Variants in HMHB1 observed in about 807,000 individuals in gnomAD.
The protein encoded by HMHB1 is minor histocompatibility protein HB-1.
Under a neutral mutation model 2.4 loss-of-function variants are expected in HMHB1, and 4 were observed. That is an observed-to-expected ratio of 1.65 (90% CI 0.81 to 3.77). The LOEUF is 3.77. HMHB1 is among the 30% of genes most tolerant of loss of function. HMHB1 has a pLI of 0.01. For missense variants in HMHB1, 57 were observed against 44.2 expected, an observed-to-expected ratio of 1.29 and a Z score of -0.82; for synonymous variants, 22 against 17.6, an observed-to-expected ratio of 1.25 and a Z score of -0.63.
intron 1 of HMHB1, among the ~76,000 whole-genome samples, chr5:143,817,536 G>C (rs1759763182): frequency 6.6e-6 from 1 of 152,048 alleles, no homozygotes; most frequent in African/African-American, 2.4e-5. Context: ...GTTTATTTCT[G>C]GTTCTCTATT....
intron 1 of HMHB1, among the ~76,000 whole-genome samples, chr5:143,814,985 T>G (rs1759731841): frequency 6.6e-6 from 1 of 152,226 alleles, no homozygotes; most frequent in Non-Finnish European, 1.5e-5. Flanking sequence ...TGCTCAGCTT[T>G]GCAGCATGGA....
chr5:143,812,700 A>G (rs1759705521), intron 1 of HMHB1, among the ~76,000 whole-genome samples: 1 of 152,122 alleles, frequency 6.6e-6, no homozygotes, highest in South Asian at 2.1e-4. Context: ...CAGGCTTCCC[A>G]AGGCAGCCCA....
At chr5:143,820,440 T>C (rs527596011) in intron 1 of HMHB1, 40 bp from the exon 2 acceptor site, 71 of 1,195,844 alleles carry the variant, frequency 5.9e-5, no homozygotes, top group Non-Finnish European at 7.4e-5. Flanking sequence ...TGCTGAGAAG[T>C]TGTAAGCTCA....
chr5:143,814,824 TC>T (rs1207052860), intron 1 of HMHB1, among the ~76,000 whole-genome samples: 3 of 152,238 alleles, frequency 2.0e-5, no homozygotes, highest in Non-Finnish European at 4.4e-5. Flanking sequence ...ATGGAATTTG[TC>T]CCCACTAAAA....
chr5:143,818,735 G>A (rs565484500), intron 1 of HMHB1, among the ~76,000 whole-genome samples: 2 of 151,832 alleles, frequency 1.3e-5, no homozygotes, highest in African/African-American at 2.4e-5. Flanking sequence ...TGTTTAGCCA[G>A]TTGCTTGACA....
intron 1 of HMHB1, 143 bp from the exon 2 acceptor site, chr5:143,820,337 A>C (rs1303159436): frequency 1.7e-5 from 6 of 343,678 alleles, no homozygotes; most frequent in Non-Finnish European, 2.6e-5. Flanking sequence ...AAAAAAAAAA[A>C]AAAAAAAAAA....
At chr5:143,817,918 T>C (rs1759767565) in intron 1 of HMHB1, among the ~76,000 whole-genome samples, 1 of 152,202 alleles carries the variant, frequency 6.6e-6, no homozygotes, top group Admixed American at 6.5e-5. Context: ...TGAAAGAAAT[T>C]AAAGGAGACC....
intron 1 of HMHB1, among the ~76,000 whole-genome samples, chr5:143,819,189 A>G (rs1374350907): frequency 6.6e-6 from 1 of 152,136 alleles, no homozygotes; most frequent in Non-Finnish European, 1.5e-5. Flanking sequence ...CAAGACTCAC[A>G]ATATTTTAGT....
intron 1 of HMHB1, among the ~76,000 whole-genome samples, chr5:143,816,539 C>A (rs1005798901): frequency 6.6e-6 from 1 of 152,148 alleles, no homozygotes; most frequent in South Asian, 2.1e-4. Context: ...TTAATTAATT[C>A]CTTTTTATGG....
intron 1 of HMHB1, among the ~76,000 whole-genome samples, chr5:143,818,625 T>C (rs1759774268): frequency 6.6e-6 from 1 of 152,200 alleles, no homozygotes; most frequent in Admixed American, 6.5e-5. Context: ...ATGCAGCCTA[T>C]AGTTAAACCT....
chr5:143,816,986 G>A (rs575363622), intron 1 of HMHB1, among the ~76,000 whole-genome samples: 1 of 152,040 alleles, frequency 6.6e-6, no homozygotes, highest in Non-Finnish European at 1.5e-5. Flanking sequence ...ATGTTTGTTG[G>A]CCATTTGTAT....
chr5:143,815,942 A>AGG (rs375787543), intron 1 of HMHB1, among the ~76,000 whole-genome samples: 1,488 of 144,784 alleles, frequency 0.01, 74 homozygotes, highest in African/African-American at 0.028. Context: ...TCCTGACCTC[A>AGG]TGATCCACCC....
intron 1 of HMHB1, among the ~76,000 whole-genome samples, chr5:143,819,024 T>G (rs573294811): frequency 2.0e-5 from 3 of 152,286 alleles, no homozygotes; most frequent in Non-Finnish European, 2.9e-5. Flanking sequence ...TCTTTTCTAT[T>G]TCTTTTCTCT....
intron 1 of HMHB1, among the ~76,000 whole-genome samples, chr5:143,814,364 T>C (rs77117565): frequency 2.2e-4 from 34 of 152,346 alleles, no homozygotes; most frequent in South Asian, 4.1e-4. Context: ...CTCTCGTCAA[T>C]AGAAAAAAAT....
At chr5:143,819,297 A>C (rs1204191148) in intron 1 of HMHB1, among the ~76,000 whole-genome samples, 1 of 152,224 alleles carries the variant, frequency 6.6e-6, no homozygotes, top group Non-Finnish European at 1.5e-5. Context: ...ACTTAAGCTG[A>C]AAAGAGCAGT....
chr5:143,820,458 G>A, intron 1 of HMHB1, 22 bp from the exon 2 acceptor site: 6 of 1,487,236 alleles, frequency 4.0e-6, no homozygotes, highest in Non-Finnish European at 5.6e-6. Flanking sequence ...TCAAGTCTCA[G>A]CTAAGCCATT....
Position 143,812,176 on chromosome 5 carries a change from C to T in HMHB1, c.-92C>T, listed in dbSNP as rs1759699062. 5 of 1,177,320 alleles carry T rather than the reference C, an allele frequency of 4.2e-6. No individual in the cohort carries two copies. In the South Asian group the frequency reaches 5.5e-5, roughly 13 times the overall value. The allele number at this position is 1,177,320 out of a possible 1,614,324, so 72.9% of individuals were successfully genotyped here. A position where few individuals can be genotyped will look rare whatever the true frequency, so the allele number is the denominator to read the frequency against. On this transcript the variant is annotated 5_prime_UTR_variant, in exon 1 of 2. Coordinates refer to ENST00000289448, the MANE Select transcript of HMHB1 (RefSeq NM_021182.3). ...GATGAGGAAACCACATCCCAGGAGG[C>T]CGAGGCGGCTTGCCCCGCATCTCAG...
Position 143,812,186 on chromosome 5 carries a change from T to C in HMHB1, c.-82T>C. The stretch of plus-strand genomic sequence containing the variant: ...CCACATCCCAGGAGGCCGAGGCGGC[T>C]TGCCCCGCATCTCAGAAGCCGGGCA... On this transcript the variant is annotated 5_prime_UTR_variant, in exon 1 of 2. Transcript: ENST00000289448. 1 of 1,340,752 alleles carries C rather than the reference T, an allele frequency of 7.5e-7. No homozygotes were observed. The highest frequency in any genetic ancestry group is 1.0e-6 in the Non-Finnish European group (1 of 960,872). 83.1% of individuals were successfully genotyped at this position (1,340,752 alleles called of 1,614,324 possible). A position where few individuals can be genotyped will look rare whatever the true frequency, so the allele number is the denominator to read the frequency against.
intron 1 of HMHB1, among the ~76,000 whole-genome samples, chr5:143,817,904 C>A (rs1389998808): frequency 6.6e-6 from 1 of 152,092 alleles, no homozygotes; most frequent in East Asian, 1.9e-4. Context: ...AACTACAAAA[C>A]TGCTGAAAGA....
Sources: gnomAD v4.1 joint callset for allele counts (sites outside exome capture counted in the v4.1 genomes callset) on GRCh38, gnomAD v4.1.1 for gene constraint, MANE v1.5 for transcripts, NCBI Gene and HGNC (gene_info 2026-07-23, HGNC 2026-07-21) for gene names.